PTPN4: variants seen among roughly 807,000 people sequenced by gnomAD.
PTPN4 encodes the protein tyrosine-protein phosphatase non-receptor type 4.
In PTPN4, 49 loss-of-function variants were observed where a neutral mutation model predicts 135.5. The ratio of observed to expected loss-of-function variants is 0.36; its 90% confidence interval spans 0.29 to 0.46. The LOEUF is 0.46. PTPN4 is among the 20% of genes least tolerant of loss of function. The pLI, the probability that PTPN4 is intolerant of heterozygous loss-of-function variation, is 1.00. For missense variants in PTPN4, 860 were observed against 1,101.0 expected, an observed-to-expected ratio of 0.78 and a Z score of 3.10; for synonymous variants, 333 against 369.9, an observed-to-expected ratio of 0.90 and a Z score of 1.14.
chr2:119,767,873 C>G (rs1391459267), intron 1 of PTPN4, among the ~76,000 whole-genome samples: 2 of 152,138 alleles, frequency 1.3e-5, no homozygotes, highest in African/African-American at 4.8e-5. Context: ...TGCTGGGTTT[C>G]TCTACTGTGA....
chr2:119,802,498 A>T (rs1394141278), intron 1 of PTPN4, among the ~76,000 whole-genome samples: 2 of 152,194 alleles, frequency 1.3e-5, no homozygotes, highest in African/African-American at 4.8e-5. Context: ...TTAGTCTGTT[A>T]ATAAGGTGGA....
chr2:119,880,362 G>T (rs1306602406), intron 5 of PTPN4, among the ~76,000 whole-genome samples: 2 of 152,042 alleles, frequency 1.3e-5, no homozygotes, highest in African/African-American at 4.8e-5. Flanking sequence ...ATTATGGCAA[G>T]GATATGCATG....
At chr2:119,782,140 G>C (rs1394310320) in intron 1 of PTPN4, among the ~76,000 whole-genome samples, 1 of 152,108 alleles carries the variant, frequency 6.6e-6, no homozygotes, top group Non-Finnish European at 1.5e-5. Context: ...TTCTTGGCTG[G>C]GCGCGGTGGC....
chr2:119,859,127 T>C (rs1448780805), intron 2 of PTPN4, among the ~76,000 whole-genome samples: 2 of 152,186 alleles, frequency 1.3e-5, no homozygotes, highest in Non-Finnish European at 2.9e-5. Context: ...ATAATCTTTG[T>C]TTTTTTCTAA....
chr2:119,808,244 A>T (rs571999280), intron 1 of PTPN4, among the ~76,000 whole-genome samples: 1 of 152,330 alleles, frequency 6.6e-6, no homozygotes, highest in East Asian at 1.9e-4. Flanking sequence ...AGGCAAGAGA[A>T]AGAAATAAAG....
At chr2:119,915,364 G>A (rs1301512041) in intron 11 of PTPN4, 122 bp downstream of exon 11, 7 of 692,202 alleles carry the variant, frequency 1.0e-5, no homozygotes, top group South Asian at 2.8e-5. Flanking sequence ...ATAACTGCCC[G>A]CTGAGGTAAT....
intron 15 of PTPN4, among the ~76,000 whole-genome samples, chr2:119,944,303 C>T (rs909510911): frequency 6.6e-6 from 1 of 152,180 alleles, no homozygotes; most frequent in Non-Finnish European, 1.5e-5. Context: ...CCCAAATCCA[C>T]GACTTCTGTG....
At chr2:119,935,987 A>G (rs771977095) in intron 15 of PTPN4, among the ~76,000 whole-genome samples, 38 of 152,136 alleles carry the variant, frequency 2.5e-4, no homozygotes, top group Non-Finnish European at 3.4e-4. Flanking sequence ...TATAAACGCA[A>G]TTGAATATTT....
chr2:119,954,600 A>T (rs1445395008), intron 19 of PTPN4, among the ~76,000 whole-genome samples: 1 of 152,082 alleles, frequency 6.6e-6, no homozygotes, highest in East Asian at 1.9e-4. Context: ...AAAAAATGGG[A>T]CTGAGAGTGG....
intron 1 of PTPN4, among the ~76,000 whole-genome samples, chr2:119,761,096 A>G (rs1227649191): frequency 1.3e-5 from 2 of 152,216 alleles, no homozygotes; most frequent in Non-Finnish European, 2.9e-5. Flanking sequence ...ATAACTTGTT[A>G]TGCATCTGCA....
intron 2 of PTPN4, among the ~76,000 whole-genome samples, chr2:119,854,125 A>G (rs1677637031): frequency 6.6e-6 from 1 of 152,190 alleles, no homozygotes; most frequent in African/African-American, 2.4e-5. Flanking sequence ...TAGTCTGTGA[A>G]AAACCTGGCT....
intron 2 of PTPN4, among the ~76,000 whole-genome samples, chr2:119,844,270 G>A (rs866406645): frequency 5.9e-5 from 8 of 136,290 alleles, no homozygotes; most frequent in Non-Finnish European, 9.7e-5. Context: ...GCGGCTGGCC[G>A]GGCGGAGGGC....
At chr2:119,898,719 G>A (rs556003012) in intron 9 of PTPN4, among the ~76,000 whole-genome samples, 1 of 152,008 alleles carries the variant, frequency 6.6e-6, no homozygotes, top group East Asian at 1.9e-4. Flanking sequence ...CTAGACATTG[G>A]AATTAATAAC....
intron 2 of PTPN4, among the ~76,000 whole-genome samples, chr2:119,821,427 A>G (rs1458493308): frequency 9.9e-5 from 15 of 152,114 alleles, no homozygotes; most frequent in Admixed American, 9.8e-4. Context: ...GTTTCCACCA[A>G]GAAAAGTGAC....
chr2:119,885,190 T>C (rs1678138185), intron 8 of PTPN4, among the ~76,000 whole-genome samples: 1 of 152,178 alleles, frequency 6.6e-6, no homozygotes, highest in South Asian at 2.1e-4. Context: ...TTTTGTAGAA[T>C]ATAATAAAAA....
chr2:119,917,986 A>G (rs1434280321), intron 11 of PTPN4, among the ~76,000 whole-genome samples: 1 of 152,218 alleles, frequency 6.6e-6, no homozygotes, highest in Non-Finnish European at 1.5e-5. Context: ...CCAAGTGTCA[A>G]AATGGGTGAA....
intron 8 of PTPN4, 136 bp downstream of exon 8, chr2:119,882,759 AATATAGGTGATCT>A: frequency 1.3e-6 from 1 of 788,102 alleles, no homozygotes; most frequent in East Asian, 3.4e-5. Context: ...ATCATAAAGA[AATATAGGTGATCT>A]ATGCTAAAAA....
intron 10 of PTPN4, among the ~76,000 whole-genome samples, chr2:119,908,078 A>G (rs1011944223): frequency 6.6e-6 from 1 of 152,216 alleles, no homozygotes; most frequent in African/African-American, 2.4e-5. Flanking sequence ...TACAGGCAAC[A>G]GAAAGAAAAA....
intron 2 of PTPN4, among the ~76,000 whole-genome samples, chr2:119,857,674 G>A (rs1389196130): frequency 6.6e-6 from 1 of 151,036 alleles, no homozygotes; most frequent in Non-Finnish European, 1.5e-5. Flanking sequence ...CATTATTTTA[G>A]GAAAATGATC....
Sources: gnomAD v4.1 joint callset for allele counts (sites outside exome capture counted in the v4.1 genomes callset) on GRCh38, gnomAD v4.1.1 for gene constraint, MANE v1.5 for transcripts, NCBI Gene and HGNC (gene_info 2026-07-23, HGNC 2026-07-21) for gene names.